LRBA: variants seen among roughly 807,000 people sequenced by gnomAD.
LRBA encodes LPS responsive beige-like anchor protein, also known as lipopolysaccharide-responsive and beige-like anchor protein.
LRBA carries 176 observed loss-of-function variants against 330.0 expected under a neutral mutation model. The observed-to-expected ratio is 0.53, with a 90% CI of 0.47 to 0.60. The LOEUF (loss-of-function observed/expected upper bound fraction) is 0.60, where lower values mean the gene tolerates loss of function less well. LRBA is among the 20% of genes least tolerant of loss of function. The pLI is 0.00. For synonymous variants in LRBA, 1,230 were observed against 1,193.0 expected (o/e 1.03, Z -0.64); for missense variants, 3,259 against 3,444.8 (o/e 0.95, Z 1.35).
At chr4:150,371,514 T>G (rs557758060) in intron 47 of LRBA, among the ~76,000 whole-genome samples, 1 of 152,156 alleles carries the variant, frequency 6.6e-6, no homozygotes, top group Non-Finnish European at 1.5e-5. Context: ...TATCTAATAT[T>G]TATATCTCTT....
chr4:150,921,927 T>C (rs1222390366), intron 4 of LRBA, among the ~76,000 whole-genome samples: 1 of 152,214 alleles, frequency 6.6e-6, no homozygotes, highest in East Asian at 1.9e-4. Flanking sequence ...GGTTTCTCCA[T>C]GTTGGTCAGG....
intron 47 of LRBA, among the ~76,000 whole-genome samples, chr4:150,351,901 T>C (rs1737237738): frequency 6.6e-6 from 1 of 152,146 alleles, no homozygotes; most frequent in South Asian, 2.1e-4. Flanking sequence ...AACAACAAAA[T>C]TGAACAATGA....
At chr4:150,410,156 C>A (rs533251027) in intron 47 of LRBA, among the ~76,000 whole-genome samples, 2 of 151,950 alleles carry the variant, frequency 1.3e-5, no homozygotes, top group African/African-American at 4.8e-5. Context: ...CACTCTTGTT[C>A]AGTGGGGGGC....
Position 150,820,032 on chromosome 4 carries a change from G to A in LRBA, c.5172-2775C>T, listed in dbSNP as rs560626924. ...GTATATATGCCTCCTCTGCCAAGAT[G>A]CTTTCTTCTTAATCCTGCTTGCTTG... On this transcript the variant is annotated intron_variant, in intron 30 of 56. Transcript: ENST00000651943. 2.6e-5 allele frequency among the ~76,000 whole-genome samples: 4 copies of A among 152,084 alleles called. No individual in the cohort carries two copies. The East Asian group carries it at 5.8e-4, about 22-fold the overall frequency.
chr4:150,295,191 T>C, intron 53 of LRBA, among the ~76,000 whole-genome samples: 1 of 129,156 alleles, frequency 7.7e-6, no homozygotes, highest in Non-Finnish European at 1.6e-5. Context: ...CAAATTAAAA[T>C]AGCTTTTTTT....
intron 40 of LRBA, among the ~76,000 whole-genome samples, chr4:150,548,169 T>C (rs1766078555): frequency 1.3e-5 from 2 of 152,270 alleles, no homozygotes; most frequent in Admixed American, 6.5e-5. Context: ...TTCGTTCTTA[T>C]CAGATAGTGT....
Position 150,416,522 on chromosome 4 carries a change from C to T in LRBA, c.7042-932G>A, listed in dbSNP as rs1259275377. Among the ~76,000 whole-genome samples, 3 of 152,208 alleles carry T rather than the reference C, an allele frequency of 2.0e-5. No homozygotes were observed. The East Asian group carries it at 5.8e-4, about 29-fold the overall frequency. ...TGTTGCCTGACTTTGAATTGTACAT[C>T]CTTTGTTTACAATCACATTAATTAA... On this transcript the variant is annotated intron_variant, in intron 46 of 56. Transcript: ENST00000651943.
At chr4:150,505,526 C>A (rs1408607472) in intron 40 of LRBA, among the ~76,000 whole-genome samples, 1 of 152,074 alleles carries the variant, frequency 6.6e-6, no homozygotes, top group African/African-American at 2.4e-5. Context: ...TGTTCTTTGA[C>A]ACCAATGAGA....
At chr4:150,724,901 T>C (rs997845397) in intron 36 of LRBA, among the ~76,000 whole-genome samples, 9 of 147,256 alleles carry the variant, frequency 6.1e-5, no homozygotes, top group African/African-American at 2.3e-4. Flanking sequence ...TATGTATATA[T>C]ATACACACAC....
At chr4:150,795,876 A>G (rs957249162) in intron 34 of LRBA, among the ~76,000 whole-genome samples, 3 of 151,976 alleles carry the variant, frequency 2.0e-5, no homozygotes, top group African/African-American at 4.8e-5. Context: ...AAATAACACA[A>G]AAAGAATATA....
intron 47 of LRBA, among the ~76,000 whole-genome samples, chr4:150,393,994 G>A (rs1409763419): frequency 3.9e-5 from 6 of 152,080 alleles, no homozygotes; most frequent in Non-Finnish European, 8.8e-5. Context: ...GCAGCAATAG[G>A]ACTCACCTAT....
At chr4:150,355,306 G>C (rs1737691072) in intron 47 of LRBA, among the ~76,000 whole-genome samples, 1 of 151,808 alleles carries the variant, frequency 6.6e-6, no homozygotes, top group Non-Finnish European at 1.5e-5. Flanking sequence ...GAAATTATTA[G>C]ATAATTGTTT....
intron 31 of LRBA, among the ~76,000 whole-genome samples, chr4:150,811,439 AAG>A (rs1337231672): frequency 6.6e-6 from 1 of 151,366 alleles, no homozygotes; most frequent in Non-Finnish European, 1.5e-5. Flanking sequence ...AAAAAAAAAA[AAG>A]GGGGTGTGCA....
intron 16 of LRBA, 66 bp from the exon 17 acceptor site, chr4:150,893,215 C>T (rs1729659665): frequency 1.3e-6 from 1 of 779,002 alleles, no homozygotes; most frequent in African/African-American, 1.8e-5. Flanking sequence ...ATAATGAATA[C>T]TTCTGAAATA....
chr4:150,500,578 CTAAA>C (rs200941206), intron 40 of LRBA, among the ~76,000 whole-genome samples: 10 of 151,732 alleles, frequency 6.6e-5, no homozygotes, highest in East Asian at 1.9e-4. Flanking sequence ...GACTCTGTCT[CTAAA>C]TAAATAAATA....
chr4:150,327,405 GCAGCCTGGACAAGAGTA>G (rs1439155806), intron 48 of LRBA, among the ~76,000 whole-genome samples: 1 of 152,142 alleles, frequency 6.6e-6, no homozygotes, highest in Non-Finnish European at 1.5e-5. Flanking sequence ...GGACAAGAGT[GCAGCCTGGACAAGAGTA>G]CAGCCTGAAC....
At chr4:150,350,210 A>G in intron 47 of LRBA, 51 bp from the exon 48 acceptor site, 2 of 1,324,080 alleles carry the variant, frequency 1.5e-6, no homozygotes, top group South Asian at 1.5e-5. Context: ...TTTTAAAAAT[A>G]TAGAGAGACA....
In LRBA at chr4:150,443,850, A is replaced by T. The variant is rs1752183792; in HGVS notation, c.6781-6986T>A. Among the ~76,000 whole-genome samples, 3 of 48,482 alleles carry T rather than the reference A, an allele frequency of 6.2e-5. No individual in the cohort carries two copies. In the South Asian group the frequency reaches 2.3e-3, roughly 37 times the overall value. The allele number at this position is 48,482 out of a possible 152,430, so 31.8% of individuals were successfully genotyped here. ...ATCCTAGAACTTAAAGTATAATTAA[A>T]AAAATATATATATATATATATATTT... On this transcript the variant is annotated intron_variant, in intron 44 of 56. Coordinates refer to ENST00000651943, the MANE Select transcript of LRBA (RefSeq NM_001364905.1).
chr4:150,688,282 A>G (rs1395914489), intron 36 of LRBA, among the ~76,000 whole-genome samples: 1 of 152,214 alleles, frequency 6.6e-6, no homozygotes, highest in Admixed American at 6.5e-5. Context: ...CCCCTTCCTT[A>G]CACCTTATAC....
Sources: allele counts gnomAD v4.1 joint callset (sites outside exome capture counted in the v4.1 genomes callset), GRCh38; gene constraint gnomAD v4.1.1; transcripts MANE v1.5; gene names NCBI Gene and HGNC (gene_info 2026-07-23, HGNC 2026-07-21).